LMNA: variants seen among roughly 807,000 people sequenced by gnomAD.
The protein encoded by LMNA is lamin A/C, also known as lamin.
LMNA carries 20 observed loss-of-function variants against 70.4 expected under a neutral mutation model. The ratio of observed to expected loss-of-function variants is 0.28; its 90% CI spans 0.20 to 0.41. The LOEUF is 0.41. LMNA is among the 10% of genes least tolerant of loss of function. The pLI is 1.00. For missense variants in LMNA, 652 were observed against 917.2 expected (o/e 0.71, Z 3.73); for synonymous variants, 339 against 372.8 (o/e 0.91, Z 1.04).
rs752264443 is a variant in LMNA, at chr1:156,138,809, C to G, written c.1968+52C>G. ...ATCCTGCAGGCGGGTCCCTGGTCAT[C>G]GAGGGGTAGGACGAGGTGGCCTTGC... On this transcript the variant is annotated intron_variant, in intron 11 of 11. Coordinates refer to ENST00000368300, the MANE Select transcript of LMNA (RefSeq NM_170707.4). This position sits in a 1 kb window ranked among gnomAD's most constrained non-coding sequence, Gnocchi z 5.5. The G allele has an allele frequency of 1.2e-6, 2 of 1,610,594 alleles. No homozygotes were observed. Among genetic ancestry groups the G allele is most frequent in the Non-Finnish European group, 1.7e-6 (2 of 1,178,298 alleles).
intron 2 of LMNA, among the ~76,000 whole-genome samples, chr1:156,086,393 ACTCTCT>A (rs55740793): frequency 1.2e-3 from 177 of 146,406 alleles, no homozygotes; most frequent in African/African-American, 1.5e-3. Flanking sequence ...GTGACCTCTG[ACTCTCT>A]CTCTCTCTCT....
Position 156,135,642 on chromosome 1 carries a change from G to C in LMNA, c.937-259G>C, listed in dbSNP as rs568734555. 1 of 594,294 alleles carries C rather than the reference G, an allele frequency of 1.7e-6. No individual in the cohort carries two copies. The highest frequency in any genetic ancestry group is 2.8e-5 in the East Asian group (1 of 35,416). The allele number at this position is 594,294 out of a possible 1,614,324, so 36.8% of individuals were successfully genotyped here. ...AGCATCAGTATTTTTCTAGTTGGCT[G>C]TGCTATTTGTGACAGGAGAAAAAGT... is the stretch of plus-strand genomic sequence containing the variant. On this transcript the variant is annotated intron_variant, in intron 5 of 11. Coordinates refer to ENST00000368300, the MANE Select transcript of LMNA (RefSeq NM_170707.4). The surrounding 1 kb of genome is among the most constrained non-coding windows in gnomAD (Gnocchi z 4.8).
chr1:156,101,006 AATT>A (rs1278323088), intron 3 of LMNA, among the ~76,000 whole-genome samples: 1 of 152,090 alleles, frequency 6.6e-6, no homozygotes, highest in Non-Finnish European at 1.5e-5. Flanking sequence ...TGTCTGGAAA[AATT>A]AGTCAGAAAG....
At chr1:156,086,772 TG>T (rs1572307727) in intron 2 of LMNA, among the ~76,000 whole-genome samples, 2 of 152,214 alleles carry the variant, frequency 1.3e-5, no homozygotes, top group African/African-American at 4.8e-5. Context: ...CCTGAGTAGC[TG>T]GCATTACAGC....
chr1:156,096,217 G>A (rs977170509), intron 3 of LMNA, among the ~76,000 whole-genome samples: 8 of 152,170 alleles, frequency 5.3e-5, no homozygotes, highest in African/African-American at 1.9e-4. Context: ...TCCCCCTTCC[G>A]TTTCCTCTGC....
chr1:156,126,653 C>A, intron 1 of LMNA: 1 of 1,324,296 alleles, frequency 7.6e-7, no homozygotes, highest in Non-Finnish European at 1.1e-6. Flanking sequence ...GTCACATTTG[C>A]AAGTGCCAAC....
rs574745400 is a variant in LMNA, at chr1:156,123,491, TAAGGGGCTGCTGAATTG to T, written c.357-7125_357-7109del. 72 of 152,374 alleles carry T rather than the reference TAAGGGGCTGCTGAATTG, an allele frequency of 4.7e-4. 2 individuals carry two copies. The highest frequency in any genetic ancestry group is 1.7e-3 in the African/African-American group (72 of 41,550). The allele number at this position is 152,374 out of a possible 1,614,324, so 9.4% of individuals were successfully genotyped here. On this transcript the variant is annotated intron_variant, in intron 1 of 11. Coordinates refer to ENST00000368300, the MANE Select transcript of LMNA (RefSeq NM_170707.4). ...AACTATGTGCCACCAGATAGAGAGTTAAGGGGCTGCTGAATTGGCTTCTTGTGAAGGGAATCCCCTAA... is the reference window on the plus strand; with the variant it reads ...AACTATGTGCCACCAGATAGAGAGTTGCTTCTTGTGAAGGGAATCCCCTAA...
chr1:156,138,615 G>T lies in LMNA; in HGVS notation c.1826G>T (p.Gly609Val). Residue 609 changes from glycine to valine, a missense_variant, in exon 11 of 12, where the codon GGA becomes GTA. Gly to Val is a moderately radical substitution (Grantham distance 109, BLOSUM62 -3). Coordinates refer to ENST00000368300, the MANE Select transcript of LMNA (RefSeq NM_170707.4). The surrounding 1 kb of genome is among the most constrained non-coding windows in gnomAD (Gnocchi z 5.5). The part of the protein sequence containing the change: ...SASGSGAQVG[G>V]PISSGSSASS... ...AGCGGCTCAGGAGCCCAGGTGGGCG[G>T]ACCCATCTCCTCTGGCTCTTCTGCC... 3 of 1,613,064 alleles carry T rather than the reference G, an allele frequency of 1.9e-6. No homozygotes were observed. Among genetic ancestry groups the T allele is most frequent in the Non-Finnish European group, 2.5e-6 (3 of 1,179,850 alleles).
chr1:156,117,640 C>T (rs931370958), intron 1 of LMNA, among the ~76,000 whole-genome samples: 4 of 151,740 alleles, frequency 2.6e-5, no homozygotes, highest in African/African-American at 7.3e-5. Context: ...GCCATCCTCC[C>T]GCCTCAGCCT....
chr1:156,128,522 G>A (rs1408641096), intron 1 of LMNA, among the ~76,000 whole-genome samples: 2 of 152,202 alleles, frequency 1.3e-5, no homozygotes, highest in African/African-American at 4.8e-5. Flanking sequence ...TTCAGCTCAG[G>A]CTGGCTGGTC....
In LMNA at chr1:156,138,944, C is replaced by A; in HGVS notation, c.1969-136C>A. ...TGCATCCTGCCCCTCTTGTCTGAGC[C>A]CCAGACTGGAGGGCAGGGGCAGGGC... On this transcript the variant is annotated intron_variant, in intron 11 of 11. Transcript: ENST00000368300. The surrounding 1 kb of genome is among the most constrained non-coding windows in gnomAD (Gnocchi z 5.5). The A allele has an allele frequency of 7.7e-7, 1 of 1,295,442 alleles. No individual in the cohort carries two copies. The allele number at this position is 1,295,442 out of a possible 1,614,324, so 80.2% of individuals were successfully genotyped here.
intron 3 of LMNA, among the ~76,000 whole-genome samples, chr1:156,098,648 C>G (rs1039247549): frequency 1.3e-5 from 2 of 152,138 alleles, no homozygotes; most frequent in African/African-American, 4.8e-5. Context: ...AGTGGTAACT[C>G]AGGATACCCT....
chr1:156,087,146 A>G (rs1463504026), intron 2 of LMNA, among the ~76,000 whole-genome samples: 4 of 152,052 alleles, frequency 2.6e-5, no homozygotes, highest in Admixed American at 2.6e-4. Context: ...CATCTCCCCC[A>G]TCTTCATACT....
At chr1:156,113,017 G>A (rs1002732323), upstream of LMNA, among the ~76,000 whole-genome samples, 17 of 152,174 alleles carry the variant, frequency 1.1e-4, no homozygotes, top group South Asian at 4.2e-4. Context: ...AAGGTGGGAC[G>A]GGCATGGTGG....
intron 3 of LMNA, among the ~76,000 whole-genome samples, chr1:156,101,597 G>A (rs1024754317): frequency 1.4e-5 from 2 of 144,830 alleles, no homozygotes; most frequent in Non-Finnish European, 3.0e-5. Flanking sequence ...TGGTTGGGAG[G>A]CTGCTGCAGT....
intron 1 of LMNA, among the ~76,000 whole-genome samples, chr1:156,122,214 C>G (rs1266241739): frequency 2.6e-5 from 4 of 152,136 alleles, no homozygotes; most frequent in Non-Finnish European, 5.9e-5. Flanking sequence ...GCCCTTAGTT[C>G]TGTGTGTGGC....
intron 3 of LMNA, chr1:156,106,635 ACC>A (rs1016732291): frequency 2.3e-5 from 1 of 43,000 alleles, no homozygotes; most frequent in Non-Finnish European, 4.7e-5. Context: ...CTCTGTCCCC[ACC>A]CCCCCACGCC....
chr1:156,088,678 C>T (rs756714427), intron 2 of LMNA, among the ~76,000 whole-genome samples: 3 of 152,200 alleles, frequency 2.0e-5, no homozygotes, highest in African/African-American at 7.2e-5. Context: ...GAGACGGAGT[C>T]TCGCTCTGTT....
intron 3 of LMNA, among the ~76,000 whole-genome samples, chr1:156,104,829 T>C (rs1649270825): frequency 6.6e-6 from 1 of 152,110 alleles, no homozygotes; most frequent in African/African-American, 2.4e-5. Context: ...AGAGAGGGCA[T>C]ATGGGAATGT....
Sources: allele counts gnomAD v4.1 joint callset (sites outside exome capture counted in the v4.1 genomes callset), GRCh38; gene constraint gnomAD v4.1.1; non-coding constraint Gnocchi (gnomAD v3.1); transcripts MANE v1.5; gene names NCBI Gene and HGNC (gene_info 2026-07-23, HGNC 2026-07-21).